PCDHAC1: variants seen among roughly 807,000 people sequenced by gnomAD.
PCDHAC1 encodes the protein protocadherin alpha-C1.
A neutral mutation model predicts 60.0 loss-of-function variants in PCDHAC1; 42 were observed. That is an observed-to-expected ratio of 0.70 (90% CI 0.55 to 0.90). The LOEUF is 0.90. Ranked by LOEUF, PCDHAC1 falls within the 40% of genes least tolerant of loss-of-function variation. The pLI is 0.00. For synonymous variants in PCDHAC1, 468 were observed against 499.3 expected (o/e 0.94, Z 0.84); for missense variants, 1,160 against 1,222.3 (o/e 0.95, Z 0.76).
intron 3 of PCDHAC1, among the ~76,000 whole-genome samples, chr5:140,993,523 CAGAG>C (rs111789518): frequency 3.4e-5 from 5 of 145,668 alleles, no homozygotes; most frequent in South Asian, 2.2e-4. Flanking sequence ...GAGAGAGAGA[CAGAG>C]AGAGAGAGAG....
chr5:140,941,206 T>TCTTC (rs201128549), intron 1 of PCDHAC1, among the ~76,000 whole-genome samples: 3,670 of 95,482 alleles, frequency 0.038, 169 homozygotes, highest in African/African-American at 0.16. Flanking sequence ...TTTCTTCCTT[T>TCTTC]CTTTCTTCCT....
chr5:140,974,328 C>G (rs2096623040), intron 1 of PCDHAC1, among the ~76,000 whole-genome samples: 1 of 152,198 alleles, frequency 6.6e-6, no homozygotes, highest in Admixed American at 6.5e-5. Flanking sequence ...AGCTGCTGTG[C>G]TAGCAGGCTA....
Position 140,940,419 on chromosome 5 carries a change from A to G in PCDHAC1, c.2433+11094A>G, listed in dbSNP as rs890018340. Among the ~76,000 whole-genome samples, 3 of 152,002 alleles carry G rather than the reference A, an allele frequency of 2.0e-5. No homozygotes were observed. The East Asian group carries it at 5.8e-4, about 29-fold the overall frequency. ...GTTTTTCATTTTAAAAATTATAATT[A>G]TTACTGATCAAGTCTGCCATGATAT... On this transcript the variant is annotated intron_variant, in intron 1 of 3. Transcript: ENST00000253807.
At chr5:140,988,698 A>G (rs1563551697) in intron 3 of PCDHAC1, among the ~76,000 whole-genome samples, 1 of 152,116 alleles carries the variant, frequency 6.6e-6, no homozygotes, top group East Asian at 1.9e-4. Context: ...GACGCTCTGT[A>G]TTTTCTTGGA....
chr5:140,967,925 C>T, intron 1 of PCDHAC1: 1 of 1,614,224 alleles, frequency 6.2e-7, no homozygotes, highest in South Asian at 1.1e-5. Context: ...TGTGGCCGTT[C>T]TCAGTGTCAA....
rs894649962 is a variant in PCDHAC1 at position 140,926,424 on chromosome 5, G to A, written c.-469G>A. 1.3e-5 allele frequency: 2 copies of A among 153,468 alleles called. No individual in the cohort carries two copies. Among genetic ancestry groups the A allele is most frequent in the African/African-American group, 4.8e-5 (2 of 41,516 alleles). 9.5% of individuals were successfully genotyped at this position (153,468 alleles called of 1,614,324 possible). A position where few individuals can be genotyped will look rare whatever the true frequency, so the allele number is the denominator to read the frequency against. On this transcript the variant is annotated 5_prime_UTR_variant, in exon 1 of 4. The change creates a premature stop within an existing upstream ORF in the 5' untranslated region. Transcript: ENST00000253807. ...CAGCAATCTGCGGGCAGAGGATGTG[G>A]AGGTTAAGATCTGGGCAGCCTCAGG...
At position 140,928,160 on chromosome 5, in the gene PCDHAC1, C is replaced by T. The variant is rs782224079; in HGVS notation, c.1268C>T (p.Pro423Leu). The change falls in exon 1 of 4, where the codon CCC (proline) becomes CTC (leucine). Residue 423 changes from proline (P) to leucine (L), a missense_variant. Transcript: ENST00000253807. ...VLITASDSGS[P>L]PLSTRRTITV... ...ATCACGGCCTCAGATAGTGGCTCAC[C>T]CCCACTTAGCACCCGAAGGACAATC... is the stretch of plus-strand genomic sequence containing the variant. 2 of 1,614,094 alleles carry T rather than the reference C, an allele frequency of 1.2e-6. No homozygotes were observed. Among genetic ancestry groups the T allele is most frequent in the Non-Finnish European group, 1.7e-6 (2 of 1,180,008 alleles).
chr5:140,985,739 C>CTTT (rs11372071), intron 3 of PCDHAC1, among the ~76,000 whole-genome samples: 39 of 117,922 alleles, frequency 3.3e-4, no homozygotes, highest in Non-Finnish European at 4.1e-4. Context: ...TGATGAATTC[C>CTTT]TTTTTTTTTT....
chr5:140,992,116 T>A (rs1279382326), intron 3 of PCDHAC1, among the ~76,000 whole-genome samples: 1 of 151,688 alleles, frequency 6.6e-6, no homozygotes, highest in Non-Finnish European at 1.5e-5. Context: ...AGATGTGTCA[T>A]GGAAGAACAG....
intron 2 of PCDHAC1, among the ~76,000 whole-genome samples, chr5:140,979,729 C>CA: frequency 6.6e-6 from 1 of 152,232 alleles, no homozygotes; most frequent in African/African-American, 2.4e-5. Flanking sequence ...GCCATGGGGC[C>CA]AAATAAAAGA....
intron 1 of PCDHAC1, among the ~76,000 whole-genome samples, chr5:140,960,717 T>TATTTTAGTCCATG (rs1244851083): frequency 3.3e-5 from 1 of 30,264 alleles, no homozygotes; most frequent in Non-Finnish European, 6.2e-5. Flanking sequence ...ATACTCATCT[T>TATTTTAGTCCATG]ATTTTAGTCC....
intron 3 of PCDHAC1, among the ~76,000 whole-genome samples, chr5:141,004,044 T>G (rs2098148933): frequency 6.6e-6 from 1 of 152,234 alleles, no homozygotes; most frequent in African/African-American, 2.4e-5. Context: ...ATTGATCATT[T>G]GCTGATACTG....
At chr5:140,989,657 A>G (rs1045043697) in intron 3 of PCDHAC1, among the ~76,000 whole-genome samples, 7 of 152,228 alleles carry the variant, frequency 4.6e-5, no homozygotes, top group African/African-American at 1.7e-4. Flanking sequence ...CAATATTTTA[A>G]AAGAAACTCT....
chr5:140,932,346 A>G lies in PCDHAC1; in HGVS notation c.2433+3021A>G, dbSNP rs529573484. 2.6e-5 allele frequency among the ~76,000 whole-genome samples: 4 copies of G among 152,072 alleles called. No homozygotes were observed. In the South Asian group the frequency reaches 6.2e-4, roughly 24 times the overall value. ...AGCAAAAATGCATGAAACACTTACCATACAACTGGCCTTATTAAATTTCCA... is the reference window on the plus strand; with the variant it reads ...AGCAAAAATGCATGAAACACTTACCGTACAACTGGCCTTATTAAATTTCCA... On this transcript the variant is annotated intron_variant, in intron 1 of 3. Coordinates refer to ENST00000253807, the MANE Select transcript of PCDHAC1 (RefSeq NM_018898.5).
At chr5:140,968,288 C>T (rs782056996) in intron 1 of PCDHAC1, 16 of 1,613,976 alleles carry the variant, frequency 9.9e-6, no homozygotes, top group Middle Eastern at 1.6e-4. Context: ...GACCTACTCC[C>T]TTCTGGAGAG....
chr5:140,989,019 T>C (rs1429425323), intron 3 of PCDHAC1: 1 of 152,238 alleles, frequency 6.6e-6, no homozygotes, highest in East Asian at 1.9e-4. Context: ...TATAGTTTCT[T>C]CAGTTATCAT....
At chr5:140,987,990 C>T (rs57614084) in intron 3 of PCDHAC1, among the ~76,000 whole-genome samples, 1 of 152,190 alleles carries the variant, frequency 6.6e-6, no homozygotes, top group African/African-American at 2.4e-5. Context: ...GACTCCATCT[C>T]TGATCCTTCC....
intron 3 of PCDHAC1, among the ~76,000 whole-genome samples, chr5:140,986,632 A>T (rs1262339478): frequency 6.6e-6 from 1 of 152,170 alleles, no homozygotes; most frequent in African/African-American, 2.4e-5. Flanking sequence ...AGGCAACAGT[A>T]CATTAGTTTT....
rs543030376 is a variant in PCDHAC1, at chr5:140,961,758, G to A, written c.2434-17191G>A. 3.3e-5 allele frequency among the ~76,000 whole-genome samples: 5 copies of A among 152,240 alleles called. No individual in the cohort carries two copies. In the South Asian group the frequency reaches 8.3e-4, roughly 25 times the overall value. On this transcript the variant is annotated intron_variant, in intron 1 of 3. Coordinates refer to ENST00000253807, the MANE Select transcript of PCDHAC1 (RefSeq NM_018898.5). ...CTTTAGTAATATTACAGTTTTGAAG[G>A]AATTTATATCAAGCTTAATGGCACT...
Sources: gnomAD v4.1 joint callset for allele counts (sites outside exome capture counted in the v4.1 genomes callset) on GRCh38, gnomAD v4.1.1 for gene constraint, MANE v1.5 for transcripts, NCBI Gene and HGNC (gene_info 2026-07-23, HGNC 2026-07-21) for gene names.